The following CPVL variants were observed in gnomAD, a reference collection of about 807,000 sequenced individuals.
CPVL encodes the protein probable serine carboxypeptidase CPVL.
CPVL carries 51 observed loss-of-function variants against 63.7 expected under a neutral mutation model. The observed-to-expected ratio is 0.80, with a 90% CI of 0.64 to 1.01. CPVL has a LOEUF of 1.01. Ranked by LOEUF, CPVL falls within the 50% of genes least tolerant of loss-of-function variation. The probability of loss-of-function intolerance (pLI) is 0.00; values close to 1 mark genes in which losing one functional copy is unlikely to be tolerated. For missense variants in CPVL, 530 were observed against 573.1 expected (o/e 0.92, Z 0.77); for synonymous variants, 195 against 206.0 (o/e 0.95, Z 0.46).
chr7:29,096,811 C>A (rs1479714849), intron 3 of CPVL, among the ~76,000 whole-genome samples: 2 of 152,018 alleles, frequency 1.3e-5, no homozygotes, highest in Non-Finnish European at 2.9e-5. Flanking sequence ...TAGTGAAACC[C>A]TGTCTCTACT....
At chr7:29,022,319 C>G (rs1181311492) in intron 12 of CPVL, among the ~76,000 whole-genome samples, 1 of 152,200 alleles carries the variant, frequency 6.6e-6, no homozygotes, top group Admixed American at 6.5e-5. Context: ...CCACACGCAT[C>G]ATCTGGGAAC....
intron 12 of CPVL, chr7:29,009,052 T>G (rs1322222729): frequency 1.3e-5 from 2 of 151,752 alleles, no homozygotes; most frequent in African/African-American, 4.8e-5. Context: ...TTGAGCTGGA[T>G]ATTTTGCTAG....
intron 3 of CPVL, among the ~76,000 whole-genome samples, chr7:29,106,201 C>CTGGA (rs1187887088): frequency 6.6e-6 from 1 of 152,136 alleles, no homozygotes; most frequent in Non-Finnish European, 1.5e-5. Flanking sequence ...TGCACACAGC[C>CTGGA]TGGAGCACAC....
intron 3 of CPVL, among the ~76,000 whole-genome samples, chr7:29,103,294 G>A (rs1787391068): frequency 1.4e-5 from 2 of 145,638 alleles, no homozygotes; most frequent in African/African-American, 5.2e-5. Context: ...CGCCCATGCT[G>A]GAGTGCAATA....
chr7:29,177,917 A>G (rs962453499), intron 5 of CPVL, among the ~76,000 whole-genome samples: 3 of 152,136 alleles, frequency 2.0e-5, no homozygotes, highest in African/African-American at 7.2e-5. Flanking sequence ...CATGTCCGAA[A>G]CACAACCCTC....
intron 1 of CPVL, chr7:29,195,040 T>G (rs1783489077): frequency 1.3e-6 from 2 of 1,559,344 alleles, no homozygotes. Flanking sequence ...CTCGCCCCAC[T>G]GCCCTCGCCC....
At chr7:29,044,580 A>T (rs1789435523) in intron 11 of CPVL, among the ~76,000 whole-genome samples, 2 of 152,334 alleles carry the variant, frequency 1.3e-5, no homozygotes, top group Non-Finnish European at 1.5e-5. Context: ...CTTTTAAAAC[A>T]TCTACGTCGA....
chr7:29,091,758 G>A (rs1785823863), intron 6 of CPVL, among the ~76,000 whole-genome samples: 1 of 152,226 alleles, frequency 6.6e-6, no homozygotes, highest in Non-Finnish European at 1.5e-5. Context: ...GGGCTTGGAA[G>A]TAGTTCTTTC....
chr7:29,050,318 G>C (rs888095165), intron 11 of CPVL, among the ~76,000 whole-genome samples: 2 of 151,824 alleles, frequency 1.3e-5, no homozygotes, highest in African/African-American at 2.4e-5. Context: ...CTGGATACAA[G>C]ATTAATGTAC....
intron 5 of CPVL, among the ~76,000 whole-genome samples, chr7:29,157,420 A>G (rs1313120365): frequency 6.7e-6 from 1 of 149,054 alleles, no homozygotes; most frequent in Admixed American, 6.8e-5. Flanking sequence ...GAACTTCTCT[A>G]GAGAAATGGC....
intron 10 of CPVL, among the ~76,000 whole-genome samples, 174 bp downstream of exon 10, chr7:29,065,849 G>A (rs550396): frequency 0.85 from 129,361 of 152,100 alleles, 55,060 homozygotes; most frequent in South Asian, 0.91. Flanking sequence ...AGATTATAAC[G>A]TATACAACAC....
intron 1 of CPVL, among the ~76,000 whole-genome samples, chr7:29,135,995 A>T (rs1254445759): frequency 6.6e-6 from 1 of 152,230 alleles, no homozygotes; most frequent in Non-Finnish European, 1.5e-5. Flanking sequence ...GGTCCACCAA[A>T]GCAAGGATGT....
intron 5 of CPVL, among the ~76,000 whole-genome samples, chr7:29,164,542 C>T (rs191949732): frequency 1.4e-4 from 22 of 151,862 alleles, no homozygotes; most frequent in South Asian, 4.2e-4. Flanking sequence ...TCCAGCACTT[C>T]GGGGGGCTGA....
At chr7:29,057,078 G>A (rs981018047) in intron 11 of CPVL, among the ~76,000 whole-genome samples, 3 of 151,250 alleles carry the variant, frequency 2.0e-5, no homozygotes, top group Non-Finnish European at 4.4e-5. Flanking sequence ...AGCCTCTCAG[G>A]TAGCCATGAC....
chr7:29,103,563 G>A (rs1357743693), intron 3 of CPVL, among the ~76,000 whole-genome samples: 1 of 151,916 alleles, frequency 6.6e-6, no homozygotes, highest in Non-Finnish European at 1.5e-5. Context: ...TCATGATTGT[G>A]TTTTATAAGA....
At chr7:29,013,885 A>G (rs73298187) in intron 12 of CPVL, among the ~76,000 whole-genome samples, 2,740 of 152,328 alleles carry the variant, frequency 0.018, 71 homozygotes, top group African/African-American at 0.062. Flanking sequence ...TGGGCATAAA[A>G]GGCCTCACTA....
intron 6 of CPVL, among the ~76,000 whole-genome samples, chr7:29,088,716 C>T (rs576249265): frequency 1.3e-5 from 2 of 152,190 alleles, no homozygotes; most frequent in African/African-American, 2.4e-5. Flanking sequence ...AGTGGCCGGG[C>T]GCGGTGGCTC....
At chr7:29,136,467 G>C (rs1050591457) in intron 1 of CPVL, among the ~76,000 whole-genome samples, 1 of 152,190 alleles carries the variant, frequency 6.6e-6, no homozygotes, top group Non-Finnish European at 1.5e-5. Flanking sequence ...AGGAAAGTCA[G>C]GAGGTAAGGT....
At chr7:29,062,038 A>G (rs889702646) in intron 11 of CPVL, among the ~76,000 whole-genome samples, 13 of 152,188 alleles carry the variant, frequency 8.5e-5, no homozygotes, top group Admixed American at 3.3e-4. Context: ...TCTCAAAAAA[A>G]TTCACTCGTT....
Sources: gnomAD v4.1 joint callset for allele counts (sites outside exome capture counted in the v4.1 genomes callset) on GRCh38, gnomAD v4.1.1 for gene constraint, MANE v1.5 for transcripts, NCBI Gene and HGNC (gene_info 2026-07-23, HGNC 2026-07-21) for gene names.